The following DIAPH3 variants were observed in gnomAD, a reference collection of about 807,000 sequenced individuals.
The protein encoded by DIAPH3 is protein diaphanous homolog 3.
Under a neutral mutation model 144.3 loss-of-function variants are expected in DIAPH3, and 117 were observed. The observed-to-expected ratio is 0.81, with a 90% CI of 0.70 to 0.95. The LOEUF (loss-of-function observed/expected upper bound fraction) is 0.95. DIAPH3 is among the 40% of genes least tolerant of loss of function. The pLI is 0.00. For missense variants in DIAPH3, 1,421 were observed against 1,412.7 expected, an observed-to-expected ratio of 1.01 and a Z score of -0.09; for synonymous variants, 519 against 488.9, an observed-to-expected ratio of 1.06 and a Z score of -0.81.
intron 20 of DIAPH3, among the ~76,000 whole-genome samples, chr13:59,887,549 TTC>T (rs1390685300): frequency 2.6e-5 from 4 of 152,140 alleles, no homozygotes; most frequent in African/African-American, 7.2e-5. Flanking sequence ...TCTAACTTAA[TTC>T]TGTTATAGAC....
intron 20 of DIAPH3, among the ~76,000 whole-genome samples, chr13:59,890,117 C>A (rs754515052): frequency 2.0e-5 from 3 of 152,064 alleles, no homozygotes; most frequent in Non-Finnish European, 4.4e-5. Context: ...TGCTATCTGG[C>A]TAGTCTTGCT....
At chr13:60,020,678 T>A (rs575801089) in intron 5 of DIAPH3, among the ~76,000 whole-genome samples, 49 of 152,316 alleles carry the variant, frequency 3.2e-4, no homozygotes, top group South Asian at 3.1e-3. Flanking sequence ...TCAGCCTTTA[T>A]TAAAGGGCAC....
In DIAPH3 at chr13:59,865,149, C is replaced by T. The variant is rs116102674; in HGVS notation, c.2608-3613G>A. Reference sequence around the variant, plus strand: ...CCTCAACTACTCTATTCTCTCCCTCCCCTCTCTCTAACCATCTTTTAAAAA... The same window carrying T: ...CCTCAACTACTCTATTCTCTCCCTCTCCTCTCTCTAACCATCTTTTAAAAA... On this transcript the variant is annotated intron_variant, in intron 21 of 27. Coordinates refer to ENST00000400324, the MANE Select transcript of DIAPH3 (RefSeq NM_001042517.2). Among the ~76,000 whole-genome samples the T allele has an allele frequency of 3.2e-3, 492 of 152,054 alleles. 3 individuals carry two copies. The highest frequency in any genetic ancestry group is 0.011 in the African/African-American group (469 of 41,526).
chr13:60,000,495 T>A (rs2140888328), intron 9 of DIAPH3, among the ~76,000 whole-genome samples: 1 of 152,060 alleles, frequency 6.6e-6, no homozygotes, highest in East Asian at 1.9e-4. Context: ...ATCTGGGTCA[T>A]CTTTACTAGA....
At chr13:60,142,308 T>C (rs1265690553) in intron 1 of DIAPH3, among the ~76,000 whole-genome samples, 2 of 152,200 alleles carry the variant, frequency 1.3e-5, no homozygotes, top group African/African-American at 4.8e-5. Flanking sequence ...GGCTTAGTTA[T>C]GCTTCCAGGA....
In DIAPH3 at chr13:59,674,826, C is replaced by A. The variant is rs140038516; in HGVS notation, c.3320-7980G>T. On this transcript the variant is annotated intron_variant, in intron 27 of 27. Transcript: ENST00000400324. ...CAGTCATGCTATCTGTTATTGACAG[C>A]TGTCTCAGACTACTAAGCACTTGTG... 4.6e-5 allele frequency among the ~76,000 whole-genome samples: 7 copies of A among 152,332 alleles called. No homozygotes were observed. In the East Asian group the frequency reaches 1.4e-3, roughly 29 times the overall value.
Position 59,871,791 on chromosome 13 carries a change from A to G in DIAPH3, c.2607+7438T>C, listed in dbSNP as rs186814292. On this transcript the variant is annotated intron_variant, in intron 21 of 27. Coordinates refer to ENST00000400324, the MANE Select transcript of DIAPH3 (RefSeq NM_001042517.2). ...TTGATTCAAGTATTTTAATAGATTC[A>G]GATTATCCATTTCCTCTAGTGTGAC... is the stretch of plus-strand genomic sequence containing the variant. Among the ~76,000 whole-genome samples, 203 of 152,312 alleles carry G rather than the reference A, an allele frequency of 1.3e-3. 1 individual carries two copies. The highest frequency in any genetic ancestry group is 4.6e-3 in the African/African-American group (193 of 41,560).
intron 24 of DIAPH3, among the ~76,000 whole-genome samples, chr13:59,825,248 T>C (rs1333939759): frequency 6.6e-6 from 1 of 152,102 alleles, no homozygotes; most frequent in African/African-American, 2.4e-5. Flanking sequence ...CCATGTGTTC[T>C]CATTGTTCAA....
intron 3 of DIAPH3, among the ~76,000 whole-genome samples, chr13:60,099,705 G>T (rs2058211020): frequency 6.6e-6 from 1 of 152,132 alleles, no homozygotes; most frequent in Non-Finnish European, 1.5e-5. Flanking sequence ...AAAAAAAATA[G>T]TTTCCCTTTG....
chr13:59,987,088 A>G (rs2051441153), intron 12 of DIAPH3, among the ~76,000 whole-genome samples: 1 of 152,078 alleles, frequency 6.6e-6, no homozygotes, highest in South Asian at 2.1e-4. Flanking sequence ...ATGTCCAACA[A>G]TGATAGACTG....
chr13:59,731,226 G>C (rs2138981338), intron 27 of DIAPH3, among the ~76,000 whole-genome samples: 1 of 152,272 alleles, frequency 6.6e-6, no homozygotes, highest in African/African-American at 2.4e-5. Context: ...GACATGTAAA[G>C]TCTACAAGGG....
chr13:59,767,629 C>T (rs1197630063), intron 27 of DIAPH3, among the ~76,000 whole-genome samples: 1 of 151,726 alleles, frequency 6.6e-6, no homozygotes, highest in African/African-American at 2.4e-5. Context: ...AATGGGCAAA[C>T]GATTTAAAAA....
At chr13:59,943,839 T>C (rs2048666263) in intron 17 of DIAPH3, among the ~76,000 whole-genome samples, 1 of 152,154 alleles carries the variant, frequency 6.6e-6, no homozygotes. Context: ...AGGCTTTGAT[T>C]GGCCTCAATT....
chr13:59,799,259 C>T (rs1032618521), intron 25 of DIAPH3, among the ~76,000 whole-genome samples: 12 of 151,798 alleles, frequency 7.9e-5, no homozygotes, highest in African/African-American at 2.9e-4. Flanking sequence ...GGCATATGCA[C>T]AGAAGGGTGG....
At chr13:59,674,703 T>C (rs2032547450) in intron 27 of DIAPH3, among the ~76,000 whole-genome samples, 1 of 152,148 alleles carries the variant, frequency 6.6e-6, no homozygotes, top group East Asian at 1.9e-4. Flanking sequence ...TAAACATTCC[T>C]ACATATGCCC....
At chr13:59,759,980 C>A (rs921519291) in intron 27 of DIAPH3, among the ~76,000 whole-genome samples, 5 of 151,154 alleles carry the variant, frequency 3.3e-5, no homozygotes, top group Non-Finnish European at 5.9e-5. Context: ...AACAAACAAA[C>A]AAAAAGTGAT....
At chr13:60,113,575 A>C (rs1334885413) in intron 2 of DIAPH3, among the ~76,000 whole-genome samples, 4 of 152,224 alleles carry the variant, frequency 2.6e-5, no homozygotes, top group African/African-American at 4.8e-5. Flanking sequence ...GGATTTAGAA[A>C]GTTGTCATAA....
intron 3 of DIAPH3, among the ~76,000 whole-genome samples, chr13:60,102,053 T>G (rs2058283587): frequency 6.6e-6 from 1 of 152,180 alleles, no homozygotes; most frequent in Non-Finnish European, 1.5e-5. Context: ...ATTCCCTATA[T>G]GAAAAGAAAG....
intron 27 of DIAPH3, among the ~76,000 whole-genome samples, chr13:59,675,687 C>T (rs1039262844): frequency 1.3e-5 from 2 of 152,100 alleles, no homozygotes; most frequent in Non-Finnish European, 2.9e-5. Flanking sequence ...ATCAACAAGC[C>T]CATTTTGTAG....
Sources: gnomAD v4.1 joint callset for allele counts (sites outside exome capture counted in the v4.1 genomes callset) on GRCh38, gnomAD v4.1.1 for gene constraint, MANE v1.5 for transcripts, NCBI Gene and HGNC (gene_info 2026-07-23, HGNC 2026-07-21) for gene names.